ATP6V1E2: variants seen among roughly 807,000 people sequenced by gnomAD.
The protein encoded by ATP6V1E2 is V-type proton ATPase subunit E 2.
For missense variants in ATP6V1E2, 308 were observed against 273.3 expected (o/e 1.13, Z -0.90); for synonymous variants, 121 against 104.2 (o/e 1.16, Z -0.98).
intron 4 of ATP6V1E2, among the ~76,000 whole-genome samples, chr2:46,524,965 C>A (rs1666821345): frequency 1.3e-5 from 2 of 152,050 alleles, no homozygotes; most frequent in South Asian, 4.1e-4. Context: ...AACCTGGACT[C>A]AGGAAGATCA....
At chr2:46,517,059 G>T (rs141529884) in intron 4 of ATP6V1E2, among the ~76,000 whole-genome samples, 21 of 152,178 alleles carry the variant, frequency 1.4e-4, no homozygotes, top group African/African-American at 4.3e-4. Context: ...AAAGCTAAAG[G>T]TCTCACATTT....
chr2:46,530,105 C>T lies in ATP6V1E2; in HGVS notation c.-102+5708G>A, dbSNP rs1438002645. ...AATTCCCACCTTTAACTGAAGGTCT[C>T]AGGATCACTCAATTCAGGCCACAAC... On this transcript the variant is annotated intron_variant, in intron 4 of 4. Coordinates refer to ENST00000522587, the MANE Select transcript of ATP6V1E2 (RefSeq NM_001318063.2). The surrounding 1 kb of genome is among the most constrained non-coding windows in gnomAD (Gnocchi z 5.2). 1.3e-5 allele frequency among the ~76,000 whole-genome samples: 2 copies of T among 152,180 alleles called. No homozygotes were observed. Among genetic ancestry groups the T allele is most frequent in the East Asian group, 3.8e-4 (2 of 5,198 alleles).
intron 4 of ATP6V1E2, among the ~76,000 whole-genome samples, chr2:46,526,113 TTTATTA>T (rs1034206334): frequency 6.6e-6 from 1 of 152,076 alleles, no homozygotes; most frequent in South Asian, 2.1e-4. Flanking sequence ...GTGTACATTA[TTTATTA>T]TTATTATTAT....
intron 4 of ATP6V1E2, among the ~76,000 whole-genome samples, chr2:46,515,605 G>A (rs960022757): frequency 5.3e-5 from 8 of 152,094 alleles, no homozygotes; most frequent in Non-Finnish European, 1.0e-4. Flanking sequence ...GAGGAAAAGA[G>A]AGACAAAAAG....
intron 4 of ATP6V1E2, among the ~76,000 whole-genome samples, chr2:46,518,490 A>ACAACACACAC (rs1471974728): frequency 2.8e-5 from 4 of 140,910 alleles, no homozygotes; most frequent in Non-Finnish European, 4.6e-5. Flanking sequence ...ACACACACAC[A>ACAACACACAC]ACACACACAC....
At chr2:46,513,309 A>G (rs1687564649) in intron 4 of ATP6V1E2, among the ~76,000 whole-genome samples, 1 of 152,158 alleles carries the variant, frequency 6.6e-6, no homozygotes, top group Admixed American at 6.5e-5. Flanking sequence ...GGCACCTTGG[A>G]GAGATGAGAC....
In ATP6V1E2 at chr2:46,529,486, G is replaced by A. The variant is rs557965664; in HGVS notation, c.-102+6327C>T. The stretch of plus-strand genomic sequence containing the variant: ...TAATAATGATTTGGCTGGGTGTGGT[G>A]GCTCACGCCTGTAATCCCAGTGCTT... On this transcript the variant is annotated intron_variant, in intron 4 of 4. Transcript: ENST00000522587. Among the ~76,000 whole-genome samples the A allele has an allele frequency of 7.2e-5, 11 of 152,346 alleles. No individual in the cohort carries two copies. The South Asian group carries it at 2.3e-3, about 32-fold the overall frequency.
chr2:46,528,405 G>A (rs1049756681), intron 4 of ATP6V1E2, among the ~76,000 whole-genome samples: 1 of 152,224 alleles, frequency 6.6e-6, no homozygotes, highest in African/African-American at 2.4e-5. Flanking sequence ...CTCTTTGAAG[G>A]TGGGAACAGG....
intron 4 of ATP6V1E2, among the ~76,000 whole-genome samples, chr2:46,527,115 C>CA (rs1431708692): frequency 2.6e-5 from 4 of 152,110 alleles, no homozygotes; most frequent in Admixed American, 6.5e-5. Flanking sequence ...AGTGTAGTGG[C>CA]ATGATCATAG....
Position 46,532,054 on chromosome 2 carries a change from T to G in ATP6V1E2, c.-102+3759A>C, listed in dbSNP as rs113426235. Among the ~76,000 whole-genome samples the G allele has an allele frequency of 3.2e-3, 495 of 152,378 alleles. 4 individuals are homozygous for G. The highest frequency in any genetic ancestry group is 0.011 in the African/African-American group (470 of 41,584). ...TTGTAATTTTTATGAAGTCCAGTTT[T>G]GGTTTTACTTTTGTTGTTATGCTTT... On this transcript the variant is annotated intron_variant, in intron 4 of 4. Coordinates refer to ENST00000522587, the MANE Select transcript of ATP6V1E2 (RefSeq NM_001318063.2).
intron 4 of ATP6V1E2, among the ~76,000 whole-genome samples, chr2:46,517,115 T>C (rs917478703): frequency 2.0e-5 from 3 of 152,178 alleles, no homozygotes; most frequent in Admixed American, 1.3e-4. Context: ...TAAAACAGTA[T>C]GGTACTGGCA....
At chr2:46,518,758 TTGTGTGTGTGTGTGTGTGTGTGTGTG>T (rs70940621) in intron 4 of ATP6V1E2, among the ~76,000 whole-genome samples, 72,291 of 140,806 alleles carry the variant, frequency 0.51, 18,061 homozygotes, top group East Asian at 0.81. Context: ...CAAGTCAATT[TTGTGTGTGTGTGTGTGTGTGTGTGTG>T]TGTGTGTGTG....
In ATP6V1E2 at chr2:46,512,505, TTTC is replaced by T. The variant is rs1170687885; in HGVS notation, c.204_206del (p.Lys69del). On this transcript the variant is annotated inframe_deletion, in exon 5 of 5. Coordinates refer to ENST00000522587, the MANE Select transcript of ATP6V1E2 (RefSeq NM_001318063.2). Reference sequence around the variant, plus strand: ...GATTCCTCATGGTGGACATCAGGATTTTCTTCTGCTGCTCTATCTGCTTCTCCT... The same window carrying T: ...GATTCCTCATGGTGGACATCAGGATTTTCTGCTGCTCTATCTGCTTCTCCT... 2 of 1,614,190 alleles carry T rather than the reference TTTC, an allele frequency of 1.2e-6. No homozygotes were observed. Among genetic ancestry groups the T allele is most frequent in the East Asian group, 4.5e-5 (2 of 44,886 alleles).
At position 46,511,948 on chromosome 2, in the gene ATP6V1E2, G is replaced by C. The variant is rs934205459; in HGVS notation, c.*83C>G. 2 of 1,248,918 alleles carry C rather than the reference G, an allele frequency of 1.6e-6. No homozygotes were observed. Among genetic ancestry groups the C allele is most frequent in the African/African-American group, 3.0e-5 (2 of 66,166 alleles). 77.4% of individuals were successfully genotyped at this position (1,248,918 alleles called of 1,614,324 possible). A position where few individuals can be genotyped will look rare whatever the true frequency, so the allele number is the denominator to read the frequency against. ...AACAGTATCAGAGCATCAAAGAGGA[G>C]GAAACACTACTAGTTTCCTTTCCCC... is the stretch of plus-strand genomic sequence containing the variant. On this transcript the variant is annotated 3_prime_UTR_variant, in exon 5 of 5. Transcript: ENST00000522587.
In ATP6V1E2 at chr2:46,512,167, T is replaced by G; in HGVS notation, c.545A>C (p.Glu182Ala). The change falls in exon 5 of 5, where the codon GAG (glutamate) becomes GCG (alanine). Residue 182 changes from glutamate to alanine, a missense_variant. By Grantham distance (107) the Glu-to-Ala change is moderately radical. Transcript: ENST00000522587. ...YLAVNAAGGV[E>A]VYSGNQRIKV... The stretch of plus-strand genomic sequence containing the variant: ...TATTCTCTGATTGCCACTGTAGACC[T>G]CCACACCTCCAGCTGCATTCACAGC... The G allele has an allele frequency of 1.9e-6, 3 of 1,614,190 alleles. No homozygotes were observed. In the East Asian group the frequency reaches 6.7e-5, roughly 36 times the overall value.
intron 4 of ATP6V1E2, chr2:46,519,223 G>C (rs1269494941): frequency 1.3e-5 from 2 of 152,246 alleles, no homozygotes; most frequent in Admixed American, 1.3e-4. Context: ...TTGGCACATG[G>C]TAGCCTTTAG....
chr2:46,516,413 AC>A (rs2103835993), intron 4 of ATP6V1E2, among the ~76,000 whole-genome samples: 1 of 152,344 alleles, frequency 6.6e-6, no homozygotes, highest in East Asian at 1.9e-4. Flanking sequence ...ATCAAGCAAC[AC>A]ATTTTTGAAC....
In ATP6V1E2 at chr2:46,512,784, G is replaced by A. The variant is rs1160393934; in HGVS notation, c.-73C>T. 1 of 1,341,316 alleles carries A rather than the reference G, an allele frequency of 7.5e-7. No homozygotes were observed. The highest frequency in any genetic ancestry group is 1.5e-5 in the African/African-American group (1 of 68,420). 83.1% of individuals were successfully genotyped at this position (1,341,316 alleles called of 1,614,324 possible). A position where few individuals can be genotyped will look rare whatever the true frequency, so the allele number is the denominator to read the frequency against. ...GCTCCTTTGACTTAGGACAATTTCA[G>A]GAGTGTCTCTGGAGTTCCACTTTCT... On this transcript the variant is annotated 5_prime_UTR_variant, in exon 5 of 5. Coordinates refer to ENST00000522587, the MANE Select transcript of ATP6V1E2 (RefSeq NM_001318063.2).
rs1222603997 is a variant in ATP6V1E2, at chr2:46,535,215, T to C, written c.-102+598A>G. The C allele has an allele frequency of 6.6e-6, 1 of 152,226 alleles. No individual in the cohort carries two copies. The highest frequency in any genetic ancestry group is 2.1e-4 in the South Asian group (1 of 4,836). 9.4% of individuals were successfully genotyped at this position (152,226 alleles called of 1,614,324 possible). A position where few individuals can be genotyped will look rare whatever the true frequency, so the allele number is the denominator to read the frequency against. On this transcript the variant is annotated intron_variant, in intron 4 of 4. Transcript: ENST00000522587. This position sits in a 1 kb window ranked among gnomAD's most constrained non-coding sequence, Gnocchi z 4.4. ...TCAATGTCTGAAAAGAGAGGTTTCA[T>C]ATATTCTGTTCAATTTTAAAGTTGC...
Sources: gnomAD v4.1 joint callset for allele counts (sites outside exome capture counted in the v4.1 genomes callset) on GRCh38, gnomAD v4.1.1 for gene constraint, Gnocchi (gnomAD v3.1) non-coding constraint, MANE v1.5 for transcripts, NCBI Gene and HGNC (gene_info 2026-07-23, HGNC 2026-07-21) for gene names.